CHST9: variants seen among roughly 807,000 people sequenced by gnomAD.
CHST9 encodes GalNAc-4-sulfotransferase 2.
A neutral mutation model predicts 44.4 loss-of-function variants in CHST9; 41 were observed. The ratio of observed to expected loss-of-function variants is 0.92; its 90% CI spans 0.72 to 1.20. The LOEUF is 1.20. Ranked by LOEUF, CHST9 falls within the 50% of genes most tolerant of loss-of-function variation. The pLI is 0.00. For missense variants in CHST9, 504 were observed against 516.5 expected, an observed-to-expected ratio of 0.98 and a Z score of 0.23; for synonymous variants, 171 against 178.4, an observed-to-expected ratio of 0.96 and a Z score of 0.33.
chr18:27,172,456 G>T (rs1193462785), intron 1 of CHST9, among the ~76,000 whole-genome samples: 1 of 151,904 alleles, frequency 6.6e-6, no homozygotes, highest in African/African-American at 2.4e-5. Flanking sequence ...GGGGATAGGG[G>T]TATAAGAGCA....
intron 4 of CHST9, among the ~76,000 whole-genome samples, chr18:27,009,755 A>G (rs904049032): frequency 6.6e-6 from 1 of 152,246 alleles, no homozygotes; most frequent in African/African-American, 2.4e-5. Flanking sequence ...AATAAAAAAC[A>G]TATCTTCTGA....
chr18:27,158,624 A>G (rs1247945059), intron 1 of CHST9, among the ~76,000 whole-genome samples: 1 of 152,134 alleles, frequency 6.6e-6, no homozygotes, highest in Non-Finnish European at 1.5e-5. Flanking sequence ...ATACCCAGTA[A>G]TGGGATGGCT....
At chr18:27,042,645 A>G (rs1317921751) in intron 3 of CHST9, among the ~76,000 whole-genome samples, 4 of 152,106 alleles carry the variant, frequency 2.6e-5, no homozygotes, top group South Asian at 4.1e-4. Flanking sequence ...AATGTTGACC[A>G]TAAACAAACT....
At chr18:26,989,682 G>A (rs940223145) in intron 4 of CHST9, among the ~76,000 whole-genome samples, 9 of 152,170 alleles carry the variant, frequency 5.9e-5, no homozygotes, top group East Asian at 1.9e-4. Context: ...AATATTCATC[G>A]AGGCTGCGCC....
In CHST9 at chr18:26,916,008, A is replaced by G. The variant is rs1305782909; in HGVS notation, c.*251T>C. 1.2e-5 allele frequency: 4 copies of G among 338,366 alleles called. No individual in the cohort carries two copies. Among genetic ancestry groups the G allele is most frequent in the Non-Finnish European group, 2.2e-5 (4 of 184,410 alleles). 21.0% of individuals were successfully genotyped at this position (338,366 alleles called of 1,614,324 possible). Reference sequence around the variant, plus strand: ...AGCTGGCTAGGTTATTGCTTCAACAATATAATTCATAATGCAAAAGCAGCT... The same window carrying G: ...AGCTGGCTAGGTTATTGCTTCAACAGTATAATTCATAATGCAAAAGCAGCT... On this transcript the variant is annotated 3_prime_UTR_variant, in exon 6 of 6. Coordinates refer to ENST00000618847, the MANE Select transcript of CHST9 (RefSeq NM_031422.6).
chr18:27,058,229 C>T (rs1204091099), intron 2 of CHST9, among the ~76,000 whole-genome samples: 1 of 152,166 alleles, frequency 6.6e-6, no homozygotes. Context: ...GAGCATTGAA[C>T]GTGTTTCTAG....
At chr18:26,930,613 T>C (rs1598567031) in intron 5 of CHST9, 2 of 153,768 alleles carry the variant, frequency 1.3e-5, no homozygotes, top group Non-Finnish European at 1.5e-5. Context: ...ATCAATTAAA[T>C]GGGTACTGGA....
At chr18:26,925,339 A>G (rs232322) in intron 5 of CHST9, among the ~76,000 whole-genome samples, 64,339 of 151,866 alleles carry the variant, frequency 0.42, 14,135 homozygotes, top group East Asian at 0.7. Flanking sequence ...TAATCACTGC[A>G]TCAAACAGAA....
chr18:26,909,413 G>A lies in CHST9; in HGVS notation c.*6846C>T, dbSNP rs900762064. 6.6e-6 allele frequency: 1 copy of A among 152,088 alleles called. No homozygotes were observed. The highest frequency in any genetic ancestry group is 2.4e-5 in the African/African-American group (1 of 41,406). 9.4% of individuals were successfully genotyped at this position (152,088 alleles called of 1,614,324 possible). A position where few individuals can be genotyped will look rare whatever the true frequency, so the allele number is the denominator to read the frequency against. Reference sequence around the variant, plus strand: ...TCTGTGTATCTTGGATGGGGTCTGGGAATATGTTTTTAACAAAAATTAGGT... The same window carrying A: ...TCTGTGTATCTTGGATGGGGTCTGGAAATATGTTTTTAACAAAAATTAGGT... On this transcript the variant is annotated 3_prime_UTR_variant, in exon 6 of 6. Transcript: ENST00000618847.
At chr18:27,060,702 T>C (rs1364192025) in intron 2 of CHST9, among the ~76,000 whole-genome samples, 1 of 152,218 alleles carries the variant, frequency 6.6e-6, no homozygotes, top group Non-Finnish European at 1.5e-5. Flanking sequence ...AACCCTCTTC[T>C]CACATGACAT....
rs1489712289 is a variant in CHST9, at chr18:26,916,765, C to T, written c.826G>A (p.Ala276Thr). The T allele has an allele frequency of 1.2e-6, 2 of 1,613,868 alleles. No individual in the cohort carries two copies. The highest frequency in any genetic ancestry group is 1.7e-6 in the Non-Finnish European group (2 of 1,179,832). Residue 276 changes from alanine to threonine, a missense_variant, in exon 6 of 6, where the codon GCT becomes ACT. By Grantham distance (58) the Ala-to-Thr change is moderately conservative (BLOSUM62 0). Coordinates refer to ENST00000618847, the MANE Select transcript of CHST9 (RefSeq NM_031422.6). The part of the protein sequence containing the change: ...IYTRLNTYTK[A>T]VFVRDPMERL... ...TCCATGGGATCACGAACAAACACAG[C>T]TTTGGTGTAAGTATTTAAGCGGGTA...
At chr18:26,980,912 T>TA (rs1285699821) in intron 4 of CHST9, among the ~76,000 whole-genome samples, 1 of 152,222 alleles carries the variant, frequency 6.6e-6, no homozygotes, top group African/African-American at 2.4e-5. Flanking sequence ...AAAGAATATG[T>TA]AAAAATGAAG....
At chr18:27,094,376 T>C (rs924669320) in intron 2 of CHST9, among the ~76,000 whole-genome samples, 4 of 152,192 alleles carry the variant, frequency 2.6e-5, no homozygotes, top group Non-Finnish European at 5.9e-5. Context: ...CAACCTCTCT[T>C]TTATTCAAAA....
chr18:27,080,019 TG>T (rs1394704423), intron 2 of CHST9, among the ~76,000 whole-genome samples: 1 of 152,156 alleles, frequency 6.6e-6, no homozygotes, highest in Non-Finnish European at 1.5e-5. Flanking sequence ...TCACAGGTTC[TG>T]GGGGTTAGAT....
At chr18:27,052,989 G>C (rs897190402) in intron 2 of CHST9, among the ~76,000 whole-genome samples, 2 of 151,540 alleles carry the variant, frequency 1.3e-5, no homozygotes, top group Non-Finnish European at 2.9e-5. Flanking sequence ...TTAAAACCTA[G>C]ATGACAGGTT....
intron 1 of CHST9, among the ~76,000 whole-genome samples, chr18:27,151,591 G>T (rs2058659770): frequency 6.6e-6 from 1 of 152,184 alleles, no homozygotes; most frequent in Non-Finnish European, 1.5e-5. Context: ...TGGATCATCT[G>T]GGTGGACCCC....
intron 4 of CHST9, among the ~76,000 whole-genome samples, chr18:27,011,248 C>T (rs572689656): frequency 1.3e-5 from 2 of 152,148 alleles, no homozygotes; most frequent in Non-Finnish European, 2.9e-5. Flanking sequence ...TATAATAAAA[C>T]ACCACTGAAG....
At chr18:27,168,085 T>TTC (rs2058805292) in intron 1 of CHST9, among the ~76,000 whole-genome samples, 1 of 151,320 alleles carries the variant, frequency 6.6e-6, no homozygotes, top group Non-Finnish European at 1.5e-5. Flanking sequence ...CTATTTTTTT[T>TTC]TTTTTTTGAG....
At chr18:27,084,048 T>C (rs981009260) in intron 2 of CHST9, among the ~76,000 whole-genome samples, 2 of 152,038 alleles carry the variant, frequency 1.3e-5, no homozygotes, top group Non-Finnish European at 2.9e-5. Context: ...TTGGTAGTAT[T>C]TTGTTGAGGA....
Sources: gnomAD v4.1 joint callset for allele counts (sites outside exome capture counted in the v4.1 genomes callset) on GRCh38, gnomAD v4.1.1 for gene constraint, MANE v1.5 for transcripts, NCBI Gene and HGNC (gene_info 2026-07-23, HGNC 2026-07-21) for gene names.